Variants in IFFO2 observed in about 807,000 individuals in gnomAD.
IFFO2 encodes the protein intermediate filament family orphan 2.
Under a neutral mutation model 53.5 loss-of-function variants are expected in IFFO2, and 19 were observed. The ratio of observed to expected loss-of-function variants is 0.36; its 90% CI spans 0.25 to 0.52. The LOEUF (loss-of-function observed/expected upper bound fraction) is 0.52, where lower values mean the gene tolerates loss of function less well. IFFO2 is among the 20% of genes least tolerant of loss of function. The pLI, the probability that IFFO2 is intolerant of heterozygous loss-of-function variation, is 0.94. For missense variants in IFFO2, 570 were observed against 727.4 expected (o/e 0.78, Z 2.49); for synonymous variants, 303 against 313.6 (o/e 0.97, Z 0.36).
rs558106600 is a variant in IFFO2, at chr1:18,919,501, C to A, written c.822+177G>T. Among the ~76,000 whole-genome samples, 11 of 117,872 alleles carry A rather than the reference C, an allele frequency of 9.3e-5. No individual in the cohort carries two copies. The highest frequency in any genetic ancestry group is 2.0e-4 in the Non-Finnish European group (11 of 55,584). The allele number at this position is 117,872 out of a possible 152,430, so 77.3% of individuals were successfully genotyped here. On this transcript the variant is annotated intron_variant, in intron 3 of 8. Transcript: ENST00000455833. This position sits in a 1 kb window ranked among gnomAD's most constrained non-coding sequence, Gnocchi z 4.9. The stretch of plus-strand genomic sequence containing the variant: ...GAGGGAAGCAGAAGTGGGGAGGGGG[C>A]GGGAGGAGGGTGCCTGGTCTCCGAT...
At chr1:18,950,978 G>A (rs749437183) in intron 1 of IFFO2, among the ~76,000 whole-genome samples, 10 of 152,318 alleles carry the variant, frequency 6.6e-5, no homozygotes, top group South Asian at 4.1e-4. Context: ...GACTGCTGGC[G>A]GATGATGCGG....
At position 18,916,111 on chromosome 1, in the gene IFFO2, T is replaced by G. The variant is rs1009165681; in HGVS notation, c.1103+792A>C. Among the ~76,000 whole-genome samples, 5 of 149,082 alleles carry G rather than the reference T, an allele frequency of 3.4e-5. No individual in the cohort carries two copies. The highest frequency in any genetic ancestry group is 1.2e-4 in the African/African-American group (5 of 40,852). On this transcript the variant is annotated intron_variant, in intron 5 of 8. Coordinates refer to ENST00000455833, the MANE Select transcript of IFFO2 (RefSeq NM_001136265.2). This position sits in a 1 kb window ranked among gnomAD's most constrained non-coding sequence, Gnocchi z 4.3. ...CTATACTCCAGTCTGGGTGACAGAG[T>G]GAGACTGTCTCAAAAAAAAAAATAG...
At chr1:18,923,500 C>T (rs1278965179) in intron 1 of IFFO2, among the ~76,000 whole-genome samples, 1 of 152,216 alleles carries the variant, frequency 6.6e-6, no homozygotes, top group Admixed American at 6.5e-5. Flanking sequence ...CTGGGGGGTA[C>T]GTTCTGGGCC....
At position 18,936,710 on chromosome 1, in the gene IFFO2, G is replaced by A. The variant is rs559081790; in HGVS notation, c.666-15589C>T. 1.1e-4 allele frequency among the ~76,000 whole-genome samples: 16 copies of A among 152,198 alleles called. No individual in the cohort carries two copies. Among genetic ancestry groups the A allele is most frequent in the Non-Finnish European group, 1.6e-4 (11 of 68,038 alleles). ...CCCGCATACTTACTCACCCGCAGCC[G>A]CCCTGGAGCCAGCTGCCTGGGAGCC... On this transcript the variant is annotated intron_variant, in intron 1 of 8. Transcript: ENST00000455833. The surrounding 1 kb of genome is among the most constrained non-coding windows in gnomAD (Gnocchi z 4.5).
chr1:18,911,869 G>T (rs1569830120), intron 6 of IFFO2, 94 bp downstream of exon 6: 1 of 1,445,920 alleles, frequency 6.9e-7, no homozygotes, highest in South Asian at 1.3e-5. Flanking sequence ...TGTGGTGGGG[G>T]CTGTAGAAAA....
chr1:18,951,592 G>A (rs183415887), intron 1 of IFFO2, among the ~76,000 whole-genome samples: 24 of 152,298 alleles, frequency 1.6e-4, no homozygotes, highest in South Asian at 4.1e-4. Context: ...TACTAGCGCC[G>A]GGCAACTTCC....
chr1:18,909,533 T>C (rs976134579), intron 8 of IFFO2, among the ~76,000 whole-genome samples: 5 of 152,178 alleles, frequency 3.3e-5, no homozygotes, highest in African/African-American at 9.7e-5. Flanking sequence ...TTAGAGATAA[T>C]TGAATCGTGG....
At chr1:18,923,351 A>G (rs1222552994) in intron 1 of IFFO2, among the ~76,000 whole-genome samples, 1 of 152,214 alleles carries the variant, frequency 6.6e-6, no homozygotes, top group Non-Finnish European at 1.5e-5. Flanking sequence ...GCAGGGGCCA[A>G]TAGAACCCTT....
At chr1:18,934,015 G>C (rs1428262845) in intron 1 of IFFO2, among the ~76,000 whole-genome samples, 1 of 139,714 alleles carries the variant, frequency 7.2e-6, no homozygotes, top group East Asian at 2.4e-4. Flanking sequence ...AATAGAATCA[G>C]ATAGTATCTG....
At chr1:18,920,928 G>A (rs1936207493) in intron 2 of IFFO2, 133 bp downstream of exon 2, 1 of 729,808 alleles carries the variant, frequency 1.4e-6, no homozygotes, top group East Asian at 2.7e-5. Flanking sequence ...ATAAAGGAGA[G>A]ACTGAGGTGG....
chr1:18,933,340 C>T (rs983971389), intron 1 of IFFO2, among the ~76,000 whole-genome samples: 4 of 152,238 alleles, frequency 2.6e-5, no homozygotes, highest in Non-Finnish European at 4.4e-5. Context: ...GTTGCCACTG[C>T]CCATTTGTAC....
rs1023546117 is a variant in IFFO2, at chr1:18,936,368, C to T, written c.666-15247G>A. Among the ~76,000 whole-genome samples the T allele has an allele frequency of 6.6e-6, 1 of 152,190 alleles. No homozygotes were observed. The highest frequency in any genetic ancestry group is 1.5e-5 in the Non-Finnish European group (1 of 68,040). ...CATCCCTGGGACATTGTCTTTCTGC[C>T]TAGGCCTGGCCAAGCCCCCATGGAC... On this transcript the variant is annotated intron_variant, in intron 1 of 8. Coordinates refer to ENST00000455833, the MANE Select transcript of IFFO2 (RefSeq NM_001136265.2). This position sits in a 1 kb window ranked among gnomAD's most constrained non-coding sequence, Gnocchi z 4.5.
chr1:18,920,461 T>C (rs924468805), intron 2 of IFFO2, among the ~76,000 whole-genome samples: 3 of 152,246 alleles, frequency 2.0e-5, no homozygotes, highest in Non-Finnish European at 4.4e-5. Context: ...CTCATGGGGT[T>C]GCTACTCTTG....
Position 18,910,258 on chromosome 1 carries a change from G to A in IFFO2, c.1448+84C>T, listed in dbSNP as rs1936015365. Reference sequence around the variant, plus strand: ...GGACGGACAGAGAGACAGGTTGGGAGCATGACACATGGCCGAGTTGCAGCC... The same window carrying A: ...GGACGGACAGAGAGACAGGTTGGGAACATGACACATGGCCGAGTTGCAGCC... On this transcript the variant is annotated intron_variant, in intron 8 of 8. Coordinates refer to ENST00000455833, the MANE Select transcript of IFFO2 (RefSeq NM_001136265.2). 2.0e-6 allele frequency: 3 copies of A among 1,465,296 alleles called. No homozygotes were observed. In the South Asian group the frequency reaches 3.7e-5, roughly 18 times the overall value. The allele number at this position is 1,465,296 out of a possible 1,614,324, so 90.8% of individuals were successfully genotyped here. A position where few individuals can be genotyped will look rare whatever the true frequency, so the allele number is the denominator to read the frequency against.
rs1936156250 is a variant in IFFO2 at position 18,917,751 on chromosome 1, C to A, written c.963+611G>T. On this transcript the variant is annotated intron_variant, in intron 4 of 8. Transcript: ENST00000455833. This position sits in a 1 kb window ranked among gnomAD's most constrained non-coding sequence, Gnocchi z 5.9. The stretch of plus-strand genomic sequence containing the variant: ...ATGACATGTGCCTCATTCGGCTGGA[C>A]TGGCCCCCCAAGCCCTCTCTGGAAG... Among the ~76,000 whole-genome samples, 1 of 151,932 alleles carries A rather than the reference C, an allele frequency of 6.6e-6. No homozygotes were observed. Among genetic ancestry groups the A allele is most frequent in the East Asian group, 2.0e-4 (1 of 5,076 alleles).
chr1:18,925,386 C>T (rs1013666927), intron 1 of IFFO2, among the ~76,000 whole-genome samples: 4 of 152,254 alleles, frequency 2.6e-5, no homozygotes, highest in Non-Finnish European at 5.9e-5. Context: ...TCTCCTCTTC[C>T]CCAGTGGCAT....
In IFFO2 at chr1:18,916,755, A is replaced by G. The variant is rs1936137767; in HGVS notation, c.1103+148T>C. On this transcript the variant is annotated intron_variant, in intron 5 of 8. Transcript: ENST00000455833. The surrounding 1 kb of genome is among the most constrained non-coding windows in gnomAD (Gnocchi z 4.3). ...CACTCCAGCCTCCAGCCTGGGTGACAAAGTGAGACCCTGTCTCAAAAAAAA... is the reference window on the plus strand; with the variant it reads ...CACTCCAGCCTCCAGCCTGGGTGACGAAGTGAGACCCTGTCTCAAAAAAAA... 9.8e-7 allele frequency: 1 copy of G among 1,024,380 alleles called. No homozygotes were observed. Among genetic ancestry groups the G allele is most frequent in the African/African-American group, 1.6e-5 (1 of 61,484 alleles). The allele number at this position is 1,024,380 out of a possible 1,614,324, so 63.5% of individuals were successfully genotyped here.
At chr1:18,945,270 T>C (rs967698955) in intron 1 of IFFO2, among the ~76,000 whole-genome samples, 2 of 151,534 alleles carry the variant, frequency 1.3e-5, no homozygotes, top group African/African-American at 4.9e-5. Context: ...TCTCTGGTCG[T>C]GACTTTGCAA....
At position 18,930,754 on chromosome 1, in the gene IFFO2, G is replaced by C. The variant is rs546766608; in HGVS notation, c.666-9633C>G. Among the ~76,000 whole-genome samples the C allele has an allele frequency of 2.0e-3, 300 of 152,318 alleles. 3 individuals are homozygous for C. Among genetic ancestry groups the C allele is most frequent in the African/African-American group, 7.0e-3 (289 of 41,572 alleles). On this transcript the variant is annotated intron_variant, in intron 1 of 8. Coordinates refer to ENST00000455833, the MANE Select transcript of IFFO2 (RefSeq NM_001136265.2). ...CAACATGGGGCCCAGGGAACCCCCG[G>C]GTCACCTGCCCCAATGCCAATCTGA...
Sources: gnomAD v4.1 joint callset for allele counts (sites outside exome capture counted in the v4.1 genomes callset) on GRCh38, gnomAD v4.1.1 for gene constraint, Gnocchi (gnomAD v3.1) non-coding constraint, MANE v1.5 for transcripts, NCBI Gene and HGNC (gene_info 2026-07-23, HGNC 2026-07-21) for gene names.